The following TRAPPC12 variants were observed in gnomAD, a reference collection of about 807,000 sequenced individuals.
TRAPPC12 encodes TPR repeat protein 15.
A neutral mutation model predicts 69.2 loss-of-function variants in TRAPPC12; 61 were observed. The ratio of observed to expected loss-of-function variants is 0.88; its 90% CI spans 0.72 to 1.09. The LOEUF (loss-of-function observed/expected upper bound fraction) is 1.09. Among genes scored for constraint, TRAPPC12 ranks in the 50% least tolerant of loss-of-function variants. The pLI is 0.00. For missense variants in TRAPPC12, 1,101 were observed against 1,016.4 expected, an observed-to-expected ratio of 1.08 and a Z score of -1.13; for synonymous variants, 469 against 438.9, an observed-to-expected ratio of 1.07 and a Z score of -0.86.
chr2:3,473,646 T>A (rs572365412), intron 9 of TRAPPC12, among the ~76,000 whole-genome samples: 13 of 152,126 alleles, frequency 8.5e-5, no homozygotes, highest in African/African-American at 3.1e-4. Flanking sequence ...CCCAGCTAAG[T>A]TTTTTGTAGA....
At chr2:3,436,648 C>T (rs1011031639) in intron 5 of TRAPPC12, among the ~76,000 whole-genome samples, 44 of 152,002 alleles carry the variant, frequency 2.9e-4, no homozygotes, top group African/African-American at 9.9e-4. Context: ...CTGTGGGTTT[C>T]AACAAATTAA....
Position 3,414,562 on chromosome 2 carries a change from G to C in TRAPPC12, c.1165-7319G>C, listed in dbSNP as rs796345866. On this transcript the variant is annotated intron_variant, in intron 3 of 11. Transcript: ENST00000324266. The surrounding 1 kb of genome is among the most constrained non-coding windows in gnomAD (Gnocchi z 4.9). The stretch of plus-strand genomic sequence containing the variant: ...CTGACCCCATCCCCCAGCTGTCCCC[G>C]CTGTGCAGTGCCTTGAACGTGCTCT... 2.3e-5 allele frequency among the ~76,000 whole-genome samples: 2 copies of C among 85,850 alleles called. No homozygotes were observed. The highest frequency in any genetic ancestry group is 9.2e-5 in the African/African-American group (2 of 21,640). The allele number at this position is 85,850 out of a possible 152,430, so 56.3% of individuals were successfully genotyped here. A position where few individuals can be genotyped will look rare whatever the true frequency, so the allele number is the denominator to read the frequency against.
chr2:3,477,887 CG>C, intron 10 of TRAPPC12, 92 bp downstream of exon 10: 1 of 769,990 alleles, frequency 1.3e-6, no homozygotes, highest in South Asian at 2.2e-5. Flanking sequence ...CTAGAGAAGG[CG>C]CTTCTCCCTG....
At position 3,401,743 on chromosome 2, in the gene TRAPPC12, T is replaced by C. The variant is rs201291819; in HGVS notation, c.1048-34T>C. The C allele has an allele frequency of 9.2e-4, 1,312 of 1,429,168 alleles. 1 individual carries two copies. The highest frequency in any genetic ancestry group is 1.3e-3 in the Admixed American group (54 of 41,864). 88.5% of individuals were successfully genotyped at this position (1,429,168 alleles called of 1,614,324 possible). A position where few individuals can be genotyped will look rare whatever the true frequency, so the allele number is the denominator to read the frequency against. ...TTAGCTGAGTTTAGTTGACATTTTA[T>C]TGTCTTGACATATTTTTCTTCTATT... On this transcript the variant is annotated intron_variant, in intron 2 of 11. Coordinates refer to ENST00000324266, the MANE Select transcript of TRAPPC12 (RefSeq NM_016030.6).
At chr2:3,434,415 G>A (rs749258106) in intron 5 of TRAPPC12, among the ~76,000 whole-genome samples, 62 of 152,330 alleles carry the variant, frequency 4.1e-4, no homozygotes, top group Non-Finnish European at 6.8e-4. Context: ...TGCAGATAAT[G>A]TTTTTCCTTC....
At chr2:3,458,792 A>G (rs2103136287) in intron 7 of TRAPPC12, among the ~76,000 whole-genome samples, 1 of 152,344 alleles carries the variant, frequency 6.6e-6, no homozygotes, top group African/African-American at 2.4e-5. Context: ...GAAATCTAAC[A>G]GAAGGTCACA....
intron 5 of TRAPPC12, among the ~76,000 whole-genome samples, chr2:3,429,326 T>G (rs1663297064): frequency 6.6e-6 from 1 of 152,214 alleles, no homozygotes; most frequent in African/African-American, 2.4e-5. Flanking sequence ...GGATCGGCGT[T>G]GGTCATACTG....
At chr2:3,426,189 T>TTTGTGGAA (rs1332998374) in intron 5 of TRAPPC12, among the ~76,000 whole-genome samples, 1 of 152,194 alleles carries the variant, frequency 6.6e-6, no homozygotes, top group Non-Finnish European at 1.5e-5. Flanking sequence ...ACTAAGGGAA[T>TTTGTGGAA]TTGCCCCTTG....
chr2:3,415,971 C>T (rs1558364200), intron 3 of TRAPPC12, among the ~76,000 whole-genome samples: 1 of 152,200 alleles, frequency 6.6e-6, no homozygotes, highest in African/African-American at 2.4e-5. Context: ...CCCCCTCAGC[C>T]TCCCAAAGTG....
chr2:3,453,616 G>A (rs1664970272), intron 6 of TRAPPC12, among the ~76,000 whole-genome samples: 5 of 152,148 alleles, frequency 3.3e-5, no homozygotes, highest in Non-Finnish European at 5.9e-5. Context: ...AACCGGGTGT[G>A]GCGTGCTGGG....
At chr2:3,394,905 A>T (rs1661034064) in intron 2 of TRAPPC12, among the ~76,000 whole-genome samples, 1 of 152,192 alleles carries the variant, frequency 6.6e-6, no homozygotes, top group Non-Finnish European at 1.5e-5. Flanking sequence ...TAAAGAGATA[A>T]TGTTGTATAT....
Position 3,479,494 on chromosome 2 carries a change from G to C in TRAPPC12, c.*33G>C. The stretch of plus-strand genomic sequence containing the variant: ...CAACACACTACGTCAGAAGGACCCG[G>C]GTCTTTGAAACTGTGTCTTGAAGCT... On this transcript the variant is annotated 3_prime_UTR_variant, in exon 12 of 12. Coordinates refer to ENST00000324266, the MANE Select transcript of TRAPPC12 (RefSeq NM_016030.6). 2.5e-6 allele frequency: 4 copies of C among 1,607,592 alleles called. No homozygotes were observed. The Admixed American group carries it at 5.0e-5, about 20-fold the overall frequency.
chr2:3,451,913 A>T (rs1664871221), intron 6 of TRAPPC12, among the ~76,000 whole-genome samples: 1 of 152,238 alleles, frequency 6.6e-6, no homozygotes, highest in Non-Finnish European at 1.5e-5. Context: ...CAAAGCCTTC[A>T]GTTGAAAGTG....
intron 1 of TRAPPC12, among the ~76,000 whole-genome samples, chr2:3,381,135 G>A (rs1250865827): frequency 6.6e-6 from 1 of 152,192 alleles, no homozygotes; most frequent in Non-Finnish European, 1.5e-5. Context: ...GCTGTATGAT[G>A]GAGGTAATAA....
chr2:3,387,077 G>T (rs1660527770), intron 1 of TRAPPC12, among the ~76,000 whole-genome samples: 1 of 152,218 alleles, frequency 6.6e-6, no homozygotes, highest in African/African-American at 2.4e-5. Context: ...TGTTTGTACA[G>T]CCACGTTCAT....
chr2:3,436,776 C>G (rs916522053), intron 5 of TRAPPC12, among the ~76,000 whole-genome samples: 2 of 148,636 alleles, frequency 1.3e-5, no homozygotes, highest in African/African-American at 5.0e-5. Flanking sequence ...CCCCACTACC[C>G]CTGGATTAAT....
chr2:3,424,949 C>T (rs1170288178), intron 5 of TRAPPC12, among the ~76,000 whole-genome samples: 3 of 152,228 alleles, frequency 2.0e-5, no homozygotes, highest in Non-Finnish European at 2.9e-5. Flanking sequence ...GGGTAGTAGA[C>T]GTCTGAGCTG....
chr2:3,406,414 A>C (rs563170651), intron 3 of TRAPPC12, among the ~76,000 whole-genome samples: 4 of 152,190 alleles, frequency 2.6e-5, no homozygotes, highest in Non-Finnish European at 2.9e-5. Context: ...AAAGGTAAAC[A>C]AGCATCCCTT....
chr2:3,468,042 A>G (rs1665899569), intron 9 of TRAPPC12: 1 of 152,260 alleles, frequency 6.6e-6, no homozygotes, highest in Non-Finnish European at 1.5e-5. Flanking sequence ...TAAAGCTCAC[A>G]TTCAGAGCCC....
Sources: allele counts gnomAD v4.1 joint callset (sites outside exome capture counted in the v4.1 genomes callset), GRCh38; gene constraint gnomAD v4.1.1; non-coding constraint Gnocchi (gnomAD v3.1); transcripts MANE v1.5; gene names NCBI Gene and HGNC (gene_info 2026-07-23, HGNC 2026-07-21).